UNC13A: variants seen among roughly 807,000 people sequenced by gnomAD.
UNC13A encodes the protein protein unc-13 homolog A.
UNC13A carries 61 observed loss-of-function variants against 219.7 expected under a neutral mutation model. The ratio of observed to expected loss-of-function variants is 0.28; its 90% CI spans 0.23 to 0.34. The LOEUF is 0.34. Among genes scored for constraint, UNC13A ranks in the 10% least tolerant of loss-of-function variants. The pLI, the probability that UNC13A is intolerant of heterozygous loss-of-function variation, is 1.00. For synonymous variants in UNC13A, 920 were observed against 884.6 expected (o/e 1.04, Z -0.71); for missense variants, 1,476 against 2,270.3 (o/e 0.65, Z 7.11).
At chr19:17,664,082 G>A (rs1001706356) in intron 7 of UNC13A, among the ~76,000 whole-genome samples, 1 of 152,078 alleles carries the variant, frequency 6.6e-6, no homozygotes, top group Admixed American at 6.6e-5. Context: ...GGATTTACAG[G>A]CATGAGCCAC....
chr19:17,643,888 G>C (rs1195166101), intron 19 of UNC13A, among the ~76,000 whole-genome samples: 3 of 152,006 alleles, frequency 2.0e-5, no homozygotes, highest in Non-Finnish European at 4.4e-5. Flanking sequence ...CTTAGACACT[G>C]TTCCTGGGTC....
At chr19:17,619,621 TG>T (rs1312464532) in intron 38 of UNC13A, among the ~76,000 whole-genome samples, 1 of 151,976 alleles carries the variant, frequency 6.6e-6, no homozygotes, top group African/African-American at 2.4e-5. Flanking sequence ...TTCATAGAGA[TG>T]GGGTCTTGTT....
Position 17,647,419 on chromosome 19 carries a change from G to A in UNC13A, c.1890C>T (p.Arg630=), listed in dbSNP as rs1599374086. The part of the protein sequence containing the change: ...TQNIIMVLKD[R]MKIRERNKPE... ...GCTTGTTGCGCTCCCGGATCTTCAT[G>A]CGGTCCTTGAGCACCATGATGATGT... The change falls in exon 17 of 44, where the codon CGC becomes CGT. Residue 630 remains arginine (R), a synonymous_variant. Coordinates refer to ENST00000519716, the MANE Select transcript of UNC13A (RefSeq NM_001080421.3). 1.2e-6 allele frequency: 2 copies of A among 1,613,734 alleles called. No individual in the cohort carries two copies. Among genetic ancestry groups the A allele is most frequent in the Non-Finnish European group, 1.7e-6 (2 of 1,179,840 alleles).
chr19:17,656,381 C>A lies in UNC13A; in HGVS notation c.785G>T (p.Arg262Leu). 6.5e-7 allele frequency: 1 copy of A among 1,539,652 alleles called. No homozygotes were observed. The highest frequency in any genetic ancestry group is 8.7e-7 in the Non-Finnish European group (1 of 1,144,510). ...GCTCAGCTCCCCGGAAGAGGCATAG[C>A]GGCTGCTACCCGTGGGGCTGTGGGG... ...PQALSPTGSS[R>L]YASSGELSQG... is the part of the protein sequence containing the mutation. Residue 262 changes from arginine (R) to leucine (L), a missense_variant, in exon 10 of 44, where the codon CGC (arginine) becomes CTC (leucine). Transcript: ENST00000519716.
chr19:17,625,174 A>G (rs62119949), intron 34 of UNC13A, among the ~76,000 whole-genome samples: 2,066 of 152,230 alleles, frequency 0.014, 22 homozygotes, highest in Non-Finnish European at 0.02. Context: ...AGGGGCCCCA[A>G]TGTCTGGGAG....
chr19:17,627,679 G>A lies in UNC13A; in HGVS notation c.3832-82C>T. The A allele has an allele frequency of 7.6e-7, 1 of 1,311,604 alleles. No individual in the cohort carries two copies. 81.2% of individuals were successfully genotyped at this position (1,311,604 alleles called of 1,614,324 possible). On this transcript the variant is annotated intron_variant, in intron 32 of 43. Transcript: ENST00000519716. This position sits in a 1 kb window ranked among gnomAD's most constrained non-coding sequence, Gnocchi z 4.7. ...CATTTTCTCATCTGACCCAGGGAAA[G>A]GGATCCCAAGGGGCTGCAGGGGAAA...
In UNC13A at chr19:17,635,156, G is replaced by T. The variant is rs141770490; in HGVS notation, c.3215+868C>A. Among the ~76,000 whole-genome samples, 3 of 152,136 alleles carry T rather than the reference G, an allele frequency of 2.0e-5. No individual in the cohort carries two copies. In the South Asian group the frequency reaches 6.2e-4, roughly 32 times the overall value. On this transcript the variant is annotated intron_variant, in intron 26 of 43. Coordinates refer to ENST00000519716, the MANE Select transcript of UNC13A (RefSeq NM_001080421.3). Reference sequence around the variant, plus strand: ...GCTGGGATTACAGGGGTGAGCCACCGCGCGTGGCCAATTTTTGTATTTTTA... The same window carrying T: ...GCTGGGATTACAGGGGTGAGCCACCTCGCGTGGCCAATTTTTGTATTTTTA...
rs148478994 is a variant in UNC13A, at chr19:17,628,965, TCA to T, written c.3753+273_3753+274del. Among the ~76,000 whole-genome samples the T allele has an allele frequency of 4.1e-3, 614 of 149,268 alleles. 2 individuals are homozygous for T. The highest frequency in any genetic ancestry group is 6.1e-3 in the African/African-American group (248 of 40,594). ...CACGCACACTCAGATGTGCACAGAC[TCA>T]CACACACACACACACGCAGAGTATA... On this transcript the variant is annotated intron_variant, in intron 31 of 43. Coordinates refer to ENST00000519716, the MANE Select transcript of UNC13A (RefSeq NM_001080421.3).
intron 19 of UNC13A, among the ~76,000 whole-genome samples, chr19:17,644,202 G>A (rs1159366936): frequency 6.6e-6 from 1 of 151,876 alleles, no homozygotes; most frequent in Non-Finnish European, 1.5e-5. Flanking sequence ...GTGGGGGGTC[G>A]GGGGGACACA....
At chr19:17,652,066 G>A (rs750364801) in intron 12 of UNC13A, among the ~76,000 whole-genome samples, 2 of 152,068 alleles carry the variant, frequency 1.3e-5, no homozygotes, top group Non-Finnish European at 2.9e-5. Flanking sequence ...AATATATAGT[G>A]TACATTTCCC....
At position 17,660,881 on chromosome 19, in the gene UNC13A, G is replaced by A. The variant is rs377445568; in HGVS notation, c.560-2612C>T. Among the ~76,000 whole-genome samples the A allele has an allele frequency of 5.9e-5, 9 of 152,036 alleles. No individual in the cohort carries two copies. The South Asian group carries it at 1.0e-3, about 18-fold the overall frequency. ...CGTTTGTGGCAAGTTGGTTGTTATC[G>A]AGCTTGCCCTGTCTGCCAAGCATTC... is the stretch of plus-strand genomic sequence containing the variant. On this transcript the variant is annotated intron_variant, in intron 8 of 43. Transcript: ENST00000519716.
At chr19:17,680,496 T>C (rs1414042329) in intron 1 of UNC13A, among the ~76,000 whole-genome samples, 1 of 152,182 alleles carries the variant, frequency 6.6e-6, no homozygotes, top group African/African-American at 2.4e-5. Context: ...TCATGCGGCC[T>C]CAAAGGTCTT....
chr19:17,671,081 A>G (rs556616943), intron 4 of UNC13A, among the ~76,000 whole-genome samples: 178 of 152,256 alleles, frequency 1.2e-3, no homozygotes, highest in African/African-American at 4.1e-3. Context: ...CTGAGAGCCC[A>G]TAGCCCTTGG....
chr19:17,632,773 G>A lies in UNC13A; in HGVS notation c.3428+9C>T, dbSNP rs552002730. ...CTGGCTTGGGTTGGGCCTGGGGCAG[G>A]GGACTTACGCAGGGTACTCAGGCAC... On this transcript the variant is annotated intron_variant, in intron 28 of 43. Transcript: ENST00000519716. The A allele has an allele frequency of 2.5e-6, 4 of 1,613,568 alleles. No individual in the cohort carries two copies. The highest frequency in any genetic ancestry group is 4.5e-5 in the East Asian group (2 of 44,876).
chr19:17,674,763 C>A lies in UNC13A; in HGVS notation c.53-7G>T. On this transcript the variant is annotated splice_polypyrimidine_tract_variant and splice_region_variant and intron_variant, in intron 2 of 43. Transcript: ENST00000519716. The surrounding 1 kb of genome is among the most constrained non-coding windows in gnomAD (Gnocchi z 5.0). ...ACGTACGTGTTGAATTTCTCTGTGG[C>A]AGTGAGAGTAGGGGTCAGCGCTGGG... 1.2e-6 allele frequency: 2 copies of A among 1,613,200 alleles called. No homozygotes were observed. Among genetic ancestry groups the A allele is most frequent in the Non-Finnish European group, 1.7e-6 (2 of 1,179,270 alleles).
chr19:17,661,185 C>T (rs547760002), intron 8 of UNC13A, among the ~76,000 whole-genome samples: 1 of 151,122 alleles, frequency 6.6e-6, no homozygotes, highest in African/African-American at 2.4e-5. Context: ...GCGTCCCTCC[C>T]GCCTCAGCCT....
intron 25 of UNC13A, 51 bp downstream of exon 25, chr19:17,639,032 C>G: frequency 1.3e-6 from 2 of 1,524,086 alleles, no homozygotes; most frequent in South Asian, 2.5e-5. Context: ...GGGACTGAAG[C>G]CTGTGTCTAG....
chr19:17,619,147 C>T (rs887541579), intron 38 of UNC13A, 185 bp from the exon 39 acceptor site: 5 of 612,150 alleles, frequency 8.2e-6, no homozygotes, highest in East Asian at 5.5e-5. Context: ...CTGAAAATCC[C>T]GGTCCTGTGA....
chr19:17,642,997 C>T, intron 19 of UNC13A, 37 bp from the exon 20 acceptor site: 1 of 1,557,560 alleles, frequency 6.4e-7, no homozygotes, highest in South Asian at 1.2e-5. Flanking sequence ...TCAGAACTTC[C>T]CACTATAGCA....
Sources: allele counts gnomAD v4.1 joint callset (sites outside exome capture counted in the v4.1 genomes callset), GRCh38; gene constraint gnomAD v4.1.1; non-coding constraint Gnocchi (gnomAD v3.1); transcripts MANE v1.5; gene names NCBI Gene and HGNC (gene_info 2026-07-23, HGNC 2026-07-21).